The following ZSWIM5 variants were observed in gnomAD, a reference collection of about 807,000 sequenced individuals.
The protein encoded by ZSWIM5 is zinc finger SWIM domain-containing protein 5.
A neutral mutation model predicts 119.6 loss-of-function variants in ZSWIM5; 55 were observed. The ratio of observed to expected loss-of-function variants is 0.46; its 90% CI spans 0.37 to 0.58. The LOEUF (loss-of-function observed/expected upper bound fraction) is 0.58. ZSWIM5 is among the 20% of genes least tolerant of loss of function. ZSWIM5 has a pLI of 0.00. For synonymous variants in ZSWIM5, 537 were observed against 606.9 expected (o/e 0.88, Z 1.69); for missense variants, 1,193 against 1,512.8 (o/e 0.79, Z 3.51).
At chr1:45,117,551 T>C (rs1645565920) in intron 1 of ZSWIM5, among the ~76,000 whole-genome samples, 1 of 152,142 alleles carries the variant, frequency 6.6e-6, no homozygotes, top group African/African-American at 2.4e-5. Context: ...TACATACTTG[T>C]AGTCCCAGCT....
chr1:45,097,190 T>G (rs1645408537), intron 1 of ZSWIM5, among the ~76,000 whole-genome samples: 1 of 152,228 alleles, frequency 6.6e-6, no homozygotes, highest in African/African-American at 2.4e-5. Context: ...ACTTAACAGT[T>G]TTCTTTCCCA....
chr1:45,180,824 G>T (rs1646013178), intron 1 of ZSWIM5, among the ~76,000 whole-genome samples: 1 of 152,020 alleles, frequency 6.6e-6, no homozygotes. Context: ...AGGCAAACAG[G>T]GTCTGGAGTG....
chr1:45,037,856 A>G (rs1481154693), intron 8 of ZSWIM5, among the ~76,000 whole-genome samples: 9 of 152,246 alleles, frequency 5.9e-5, no homozygotes, highest in Non-Finnish European at 1.3e-4. Flanking sequence ...AATTTCAGGA[A>G]GTAAGCACGG....
At chr1:45,190,030 G>A (rs1008002088) in intron 1 of ZSWIM5, among the ~76,000 whole-genome samples, 1 of 151,990 alleles carries the variant, frequency 6.6e-6, no homozygotes, top group African/African-American at 2.4e-5. Context: ...CTGTAAAACA[G>A]TTGCTGGGTA....
chr1:45,156,645 A>G (rs1442417251), intron 1 of ZSWIM5, among the ~76,000 whole-genome samples: 1 of 151,568 alleles, frequency 6.6e-6, no homozygotes, highest in African/African-American at 2.4e-5. Flanking sequence ...AAATGGACAT[A>G]CCCAGAAGGC....
In ZSWIM5 at chr1:45,020,684, G is replaced by C. The variant is rs1210234833; in HGVS notation, c.2554C>G (p.Pro852Ala). ...LAQDAFKIAT[P>A]TDSSTDSTLL... ...GTGCTGTCAGTACTACTGTCGGTGG[G>C]AGTAGCAATCTTGAATGCATCTTGG... Residue 852 changes from proline (P) to alanine (A), a missense_variant, in exon 12 of 14, where the codon CCC becomes GCC. Pro to Ala is a conservative substitution (Grantham distance 27). This residue lies in a region of ZSWIM5 where 961 missense variants were observed against 1,290.0 expected (regional missense o/e 0.74). Transcript: ENST00000359600. 1.2e-6 allele frequency: 2 copies of C among 1,614,146 alleles called. No homozygotes were observed. The highest frequency in any genetic ancestry group is 1.7e-5 in the Admixed American group (1 of 60,014).
At chr1:45,185,177 T>C (rs1391097527) in intron 1 of ZSWIM5, among the ~76,000 whole-genome samples, 1 of 151,342 alleles carries the variant, frequency 6.6e-6, no homozygotes, top group Non-Finnish European at 1.5e-5. Flanking sequence ...TAAACGATGC[T>C]GGGAAAACTG....
chr1:45,129,153 G>GTTTTTTTT (rs869042927), intron 1 of ZSWIM5, among the ~76,000 whole-genome samples: 24 of 70,164 alleles, frequency 3.4e-4, no homozygotes, highest in South Asian at 5.7e-4. Flanking sequence ...CATACATCTT[G>GTTTTTTTT]TTTTTTTTTT....
At chr1:45,106,414 G>A (rs554228046) in intron 1 of ZSWIM5, among the ~76,000 whole-genome samples, 9 of 135,860 alleles carry the variant, frequency 6.6e-5, no homozygotes, top group South Asian at 2.4e-4. Flanking sequence ...GCCTCTGCCC[G>A]GCCGCCCCAT....
intron 1 of ZSWIM5, among the ~76,000 whole-genome samples, chr1:45,200,332 T>C (rs1646151542): frequency 6.6e-6 from 1 of 152,184 alleles, no homozygotes; most frequent in Non-Finnish European, 1.5e-5. Context: ...ACTAGCTCCA[T>C]GATAGGCTAA....
chr1:45,129,133 C>T (rs1645638849), intron 1 of ZSWIM5, among the ~76,000 whole-genome samples: 1 of 139,238 alleles, frequency 7.2e-6, no homozygotes, highest in Non-Finnish European at 1.6e-5. Flanking sequence ...GAGTTTTATA[C>T]TTTTCCTCAC....
At chr1:45,115,060 G>C (rs956982753) in intron 1 of ZSWIM5, among the ~76,000 whole-genome samples, 1 of 152,342 alleles carries the variant, frequency 6.6e-6, no homozygotes, top group South Asian at 2.1e-4. Flanking sequence ...CACAGACACA[G>C]TAACAATCCG....
At chr1:45,172,178 T>C (rs1645949513) in intron 1 of ZSWIM5, among the ~76,000 whole-genome samples, 1 of 152,100 alleles carries the variant, frequency 6.6e-6, no homozygotes, top group Admixed American at 6.6e-5. Flanking sequence ...AAAATGTGAC[T>C]CACGGTTGCG....
chr1:45,036,067 C>T lies in ZSWIM5; in HGVS notation c.2127G>A (p.Leu709=). The part of the protein sequence containing the change: ...LQLDDELVQT[L]QKQCILLLEG... ...CCAGCAGTAAGATGCATTGTTTTTG[C>T]AGTGTTTGCACTAGCTCATCGTCCA... The change falls in exon 9 of 14, where the codon CTG becomes CTA. Residue 709 remains leucine, a synonymous_variant. Transcript: ENST00000359600. 3 of 1,613,920 alleles carry T rather than the reference C, an allele frequency of 1.9e-6. No individual in the cohort carries two copies. Among genetic ancestry groups the T allele is most frequent in the Non-Finnish European group, 2.5e-6 (3 of 1,179,954 alleles).
intron 1 of ZSWIM5, among the ~76,000 whole-genome samples, chr1:45,093,671 A>G (rs1645380931): frequency 1.3e-5 from 2 of 152,194 alleles, no homozygotes; most frequent in African/African-American, 4.8e-5. Context: ...CCTTTCAAAT[A>G]TCTATACCCC....
At chr1:45,022,154 G>A (rs1428773620) in intron 11 of ZSWIM5, among the ~76,000 whole-genome samples, 6 of 145,652 alleles carry the variant, frequency 4.1e-5, no homozygotes, top group East Asian at 4.0e-4. Context: ...TTTTTGAGAC[G>A]GAGTCTCGTG....
At chr1:45,131,798 A>G (rs1264380327) in intron 1 of ZSWIM5, among the ~76,000 whole-genome samples, 1 of 150,912 alleles carries the variant, frequency 6.6e-6, no homozygotes, top group Admixed American at 6.6e-5. Context: ...AGGTAGTACT[A>G]TTATTATTAT....
At chr1:45,123,713 T>TC (rs771558116) in intron 1 of ZSWIM5, among the ~76,000 whole-genome samples, 1 of 152,026 alleles carries the variant, frequency 6.6e-6, no homozygotes, top group Non-Finnish European at 1.5e-5. Flanking sequence ...GTCTGAAAAC[T>TC]CCCCAAATTT....
intron 1 of ZSWIM5, among the ~76,000 whole-genome samples, chr1:45,199,774 A>C (rs1293272708): frequency 1.3e-5 from 2 of 152,210 alleles, no homozygotes; most frequent in Non-Finnish European, 2.9e-5. Context: ...TACCTAAGGA[A>C]GGCAACGTAA....
Sources: allele counts gnomAD v4.1 joint callset (sites outside exome capture counted in the v4.1 genomes callset), GRCh38; gene constraint gnomAD v4.1.1; regional missense constraint gnomAD v4.1.1; transcripts MANE v1.5; gene names NCBI Gene and HGNC (gene_info 2026-07-23, HGNC 2026-07-21).